KCNK3: variants seen among roughly 807,000 people sequenced by gnomAD.
KCNK3 encodes the protein potassium channel subfamily K member 3.
In KCNK3, 9 loss-of-function variants were observed where a neutral mutation model predicts 27.3. The observed-to-expected ratio is 0.33, with a 90% CI of 0.20 to 0.57. The LOEUF is 0.57. KCNK3 is among the 20% of genes least tolerant of loss of function. The pLI, the probability that KCNK3 is intolerant of heterozygous loss-of-function variation, is 0.87. For synonymous variants in KCNK3, 278 were observed against 273.8 expected, an observed-to-expected ratio of 1.02 and a Z score of -0.15; for missense variants, 391 against 577.7, an observed-to-expected ratio of 0.68 and a Z score of 3.31.
chr2:26,718,463 A>G (rs1663271607), intron 1 of KCNK3, among the ~76,000 whole-genome samples: 1 of 152,218 alleles, frequency 6.6e-6, no homozygotes, highest in African/African-American at 2.4e-5. Flanking sequence ...TTCTACTTAC[A>G]AAAGTAATAG....
rs1367260674 is a variant in KCNK3, at chr2:26,731,722, G to A, written c.*3154G>A. 1.3e-5 allele frequency: 2 copies of A among 152,240 alleles called. No individual in the cohort carries two copies. Among genetic ancestry groups the A allele is most frequent in the Admixed American group, 1.3e-4 (2 of 15,288 alleles). The allele number at this position is 152,240 out of a possible 1,614,324, so 9.4% of individuals were successfully genotyped here. ...AGTCCCCTTGGAACAGACTAAGAAA[G>A]GATCACCTTAGAAATCACCTGGTCC... On this transcript the variant is annotated 3_prime_UTR_variant, in exon 2 of 2. Transcript: ENST00000302909.
At chr2:26,694,237 C>T (rs1050259230) in intron 1 of KCNK3, among the ~76,000 whole-genome samples, 1 of 152,196 alleles carries the variant, frequency 6.6e-6, no homozygotes, top group Non-Finnish European at 1.5e-5. Context: ...CCTCCCCAGC[C>T]CCGACGTGCT....
chr2:26,726,781 C>T (rs1304669892), intron 1 of KCNK3, among the ~76,000 whole-genome samples: 1 of 148,982 alleles, frequency 6.7e-6, no homozygotes, highest in Non-Finnish European at 1.5e-5. Context: ...TCAGGGTGGG[C>T]CAGGGTGGGG....
chr2:26,701,634 C>T (rs1385226466), intron 1 of KCNK3, among the ~76,000 whole-genome samples: 1 of 152,224 alleles, frequency 6.6e-6, no homozygotes, highest in African/African-American at 2.4e-5. Flanking sequence ...GCTTGAACAA[C>T]ACACATTTTT....
chr2:26,704,353 C>G (rs1670344803), intron 1 of KCNK3, among the ~76,000 whole-genome samples: 1 of 152,114 alleles, frequency 6.6e-6, no homozygotes, highest in South Asian at 2.1e-4. Context: ...GCTCTCAGAC[C>G]CCTTTTCTCT....
At chr2:26,694,738 C>A (rs1293836048) in intron 1 of KCNK3, among the ~76,000 whole-genome samples, 1 of 152,214 alleles carries the variant, frequency 6.6e-6, no homozygotes, top group Admixed American at 6.5e-5. Flanking sequence ...TCCACTCTCA[C>A]ACCCCACTAC....
At chr2:26,725,565 C>T (rs1272831812) in intron 1 of KCNK3, among the ~76,000 whole-genome samples, 1 of 152,196 alleles carries the variant, frequency 6.6e-6, no homozygotes, top group Non-Finnish European at 1.5e-5. Context: ...GCAGCTCTGG[C>T]TCAGGGCCTG....
Position 26,728,196 on chromosome 2 carries a change from C to T in KCNK3, c.813C>T (p.Gly271=). Residue 271 remains glycine (G), a synonymous_variant, in exon 2 of 2, where the codon GGC becomes GGT. Coordinates refer to ENST00000302909, the MANE Select transcript of KCNK3 (RefSeq NM_002246.3). ...TGCTCACGCGCAACGGGCAGGCGGG[C>T]GGCGGCGGAGGGGGTGGCAGCGCGC... ...RALLTRNGQA[G]GGGGGGSAHT... is the part of the protein sequence containing the mutation. 6.4e-7 allele frequency: 1 copy of T among 1,563,850 alleles called. No individual in the cohort carries two copies.
chr2:26,727,703 A>T lies in KCNK3; in HGVS notation c.320A>T (p.Lys107Met). 3.9e-6 allele frequency: 6 copies of T among 1,533,038 alleles called. No individual in the cohort carries two copies. In the South Asian group the frequency reaches 6.5e-5, roughly 16 times the overall value. 95.0% of individuals were successfully genotyped at this position (1,533,038 alleles called of 1,614,324 possible). A position where few individuals can be genotyped will look rare whatever the true frequency, so the allele number is the denominator to read the frequency against. ...GCGGCACCCAGCACGGATGGCGGCA[A>T]GGTGTTCTGCATGTTCTACGCGCTG... ...GHAAPSTDGG[K>M]VFCMFYALLG... The change falls in exon 2 of 2, where the codon AAG becomes ATG. Residue 107 changes from lysine (K) to methionine (M), a missense_variant. Physicochemically the swap from Lys to Met is moderately conservative, Grantham distance 95 (BLOSUM62 -1). This residue lies in a region of KCNK3 where 158 missense variants were observed against 267.7 expected (regional missense o/e 0.59). Coordinates refer to ENST00000302909, the MANE Select transcript of KCNK3 (RefSeq NM_002246.3).
chr2:26,723,311 C>G (rs1416269285), intron 1 of KCNK3, among the ~76,000 whole-genome samples: 1 of 152,276 alleles, frequency 6.6e-6, no homozygotes, highest in Non-Finnish European at 1.5e-5. Context: ...CAGCTTCAGC[C>G]AGTTTCTGAC....
chr2:26,724,858 G>C (rs535710560), intron 1 of KCNK3, among the ~76,000 whole-genome samples: 20 of 152,260 alleles, frequency 1.3e-4, no homozygotes, highest in African/African-American at 4.6e-4. Flanking sequence ...GAGAGGCGAA[G>C]GAGGGCCACG....
intron 1 of KCNK3, among the ~76,000 whole-genome samples, chr2:26,724,172 G>T (rs1663370748): frequency 6.6e-6 from 1 of 152,224 alleles, no homozygotes; most frequent in Non-Finnish European, 1.5e-5. Flanking sequence ...ACGTCAGCAG[G>T]TCCTCACACT....
rs924076295 is a variant in KCNK3, at chr2:26,728,545, A to T, written c.1162A>T (p.Met388Leu). ...LHSLSTFRGL[M>L]KRRSSV is the part of the protein sequence containing the mutation. ...CAGCCTGTCCACCTTCCGCGGCCTC[A>T]TGAAGCGCAGGAGCTCCGTGTGACT... Residue 388 changes from methionine (M) to leucine (L), a missense_variant, in exon 2 of 2, where the codon ATG becomes TTG. Met to Leu is a conservative substitution (Grantham distance 15). This residue lies in a region of KCNK3 where 192 missense variants were observed against 196.0 expected (regional missense o/e 0.98). Transcript: ENST00000302909. 11 of 1,464,314 alleles carry T rather than the reference A, an allele frequency of 7.5e-6. No homozygotes were observed. The South Asian group carries it at 1.6e-4, about 21-fold the overall frequency. The allele number at this position is 1,464,314 out of a possible 1,614,324, so 90.7% of individuals were successfully genotyped here.
At position 26,721,648 on chromosome 2, in the gene KCNK3, C is replaced by T. The variant is rs1195164422; in HGVS notation, c.284-6019C>T. On this transcript the variant is annotated intron_variant, in intron 1 of 1. Coordinates refer to ENST00000302909, the MANE Select transcript of KCNK3 (RefSeq NM_002246.3). The surrounding 1 kb of genome is among the most constrained non-coding windows in gnomAD (Gnocchi z 4.3). ...TCCAGCAGGGGAGCCCAGCCTTCCT[C>T]TGAGGGCCCTCCCTGTGTCTTGCAG... Among the ~76,000 whole-genome samples, 1 of 152,162 alleles carries T rather than the reference C, an allele frequency of 6.6e-6. No homozygotes were observed. Among genetic ancestry groups the T allele is most frequent in the African/African-American group, 2.4e-5 (1 of 41,446 alleles).
chr2:26,698,667 G>T (rs1670264935), intron 1 of KCNK3, among the ~76,000 whole-genome samples: 1 of 152,174 alleles, frequency 6.6e-6, no homozygotes, highest in Non-Finnish European at 1.5e-5. Context: ...GGAACAGTGA[G>T]GTTGAGGGCC....
chr2:26,718,353 C>T (rs925449507), intron 1 of KCNK3, among the ~76,000 whole-genome samples: 20 of 152,142 alleles, frequency 1.3e-4, no homozygotes, highest in African/African-American at 4.6e-4. Context: ...CAAATTTTGG[C>T]CCCTTCTCAC....
intron 1 of KCNK3, among the ~76,000 whole-genome samples, chr2:26,696,133 T>C (rs35326860): frequency 2.6e-5 from 4 of 152,228 alleles, no homozygotes; most frequent in Admixed American, 6.5e-5. Context: ...GGGTGTCCCA[T>C]TGGGATGGAA....
intron 1 of KCNK3, among the ~76,000 whole-genome samples, chr2:26,712,135 C>T (rs1360195075): frequency 3.3e-5 from 5 of 152,116 alleles, no homozygotes; most frequent in Non-Finnish European, 5.9e-5. Context: ...TCAGGATGGC[C>T]GAGGCCACTG....
chr2:26,731,569 C>T lies in KCNK3; in HGVS notation c.*3001C>T, dbSNP rs541391994. 1 of 152,090 alleles carries T rather than the reference C, an allele frequency of 6.6e-6. No individual in the cohort carries two copies. Among genetic ancestry groups the T allele is most frequent in the South Asian group, 2.1e-4 (1 of 4,800 alleles). The allele number at this position is 152,090 out of a possible 1,614,324, so 9.4% of individuals were successfully genotyped here. A position where few individuals can be genotyped will look rare whatever the true frequency, so the allele number is the denominator to read the frequency against. On this transcript the variant is annotated 3_prime_UTR_variant, in exon 2 of 2. Coordinates refer to ENST00000302909, the MANE Select transcript of KCNK3 (RefSeq NM_002246.3). ...CTCCAGCCTGAGCGACAGAGTGAGA[C>T]CCTGTCTAAAAAAAAACAATAATAA... is the stretch of plus-strand genomic sequence containing the variant.
Sources: gnomAD v4.1 joint callset for allele counts (sites outside exome capture counted in the v4.1 genomes callset) on GRCh38, gnomAD v4.1.1 for gene constraint, gnomAD v4.1.1 regional missense constraint, Gnocchi (gnomAD v3.1) non-coding constraint, MANE v1.5 for transcripts, NCBI Gene and HGNC (gene_info 2026-07-23, HGNC 2026-07-21) for gene names.